Variants in DGLUCY observed in about 807,000 individuals in gnomAD.
The protein encoded by DGLUCY is D-glutamate cyclase, mitochondrial.
Under a neutral mutation model 58.5 loss-of-function variants are expected in DGLUCY, and 58 were observed. The ratio of observed to expected loss-of-function variants is 0.99; its 90% CI spans 0.80 to 1.23. The LOEUF (loss-of-function observed/expected upper bound fraction) is 1.23, where lower values mean the gene tolerates loss of function less well. Ranked by LOEUF, DGLUCY falls within the 50% of genes most tolerant of loss-of-function variation. DGLUCY has a pLI of 0.00. For synonymous variants in DGLUCY, 325 were observed against 314.1 expected (o/e 1.03, Z -0.37); for missense variants, 779 against 784.7 (o/e 0.99, Z 0.09).
At chr14:91,124,385 G>T (rs2140158221) in intron 1 of DGLUCY, among the ~76,000 whole-genome samples, 1 of 152,294 alleles carries the variant, frequency 6.6e-6, no homozygotes, top group South Asian at 2.1e-4. Context: ...TTGTATTACT[G>T]CATTTGGTCT....
rs1404165503 is a variant in DGLUCY, at chr14:91,071,822, C to A, written c.-82+11118C>A. On this transcript the variant is annotated intron_variant, in intron 1 of 4. Coordinates refer to the DGLUCY transcript ENST00000521334. ...GGCAGAGGTTGCAGTCAGCCAAGATCGCGCCACTGCACTCCAGCCTGGTAA... is the reference window on the plus strand; with the variant it reads ...GGCAGAGGTTGCAGTCAGCCAAGATAGCGCCACTGCACTCCAGCCTGGTAA... 9.3e-5 allele frequency among the ~76,000 whole-genome samples: 14 copies of A among 150,402 alleles called. 1 individual carries two copies. Among genetic ancestry groups the A allele is most frequent in the Admixed American group, 8.6e-4 (13 of 15,042 alleles).
intron 12 of DGLUCY, among the ~76,000 whole-genome samples, chr14:91,210,760 C>T (rs182078572): frequency 9.2e-5 from 14 of 152,102 alleles, no homozygotes; most frequent in Admixed American, 6.5e-4. Context: ...CAGCTAACAT[C>T]GTAATTAATG....
At chr14:91,132,478 C>CTT (rs111238992) in intron 1 of DGLUCY, among the ~76,000 whole-genome samples, 5 of 142,554 alleles carry the variant, frequency 3.5e-5, no homozygotes, top group East Asian at 2.0e-4. Flanking sequence ...ATAACTTTTT[C>CTT]TTTTTTTTTT....
At chr14:91,209,211 C>T (rs1039254522) in intron 12 of DGLUCY, among the ~76,000 whole-genome samples, 3 of 151,856 alleles carry the variant, frequency 2.0e-5, no homozygotes, top group Admixed American at 6.6e-5. Flanking sequence ...TGCAGTAAGC[C>T]GAGATAATGC....
intron 1 of DGLUCY, among the ~76,000 whole-genome samples, chr14:91,082,870 C>T (rs1015870529): frequency 2.0e-5 from 3 of 152,162 alleles, no homozygotes; most frequent in African/African-American, 7.2e-5. Flanking sequence ...CCTCCTGCCT[C>T]AGCCTCCTGA....
At chr14:91,155,610 GA>G (rs2047573254) in intron 1 of DGLUCY, among the ~76,000 whole-genome samples, 1 of 152,032 alleles carries the variant, frequency 6.6e-6, no homozygotes, top group South Asian at 2.1e-4. Flanking sequence ...AGGAGTTTAA[GA>G]CCAGCCCCGT....
chr14:91,190,351 A>G (rs1295755689), intron 9 of DGLUCY, among the ~76,000 whole-genome samples: 1 of 152,160 alleles, frequency 6.6e-6, no homozygotes, highest in African/African-American at 2.4e-5. Flanking sequence ...CACGGAGAGT[A>G]TCTTCCAGTG....
At chr14:91,203,962 C>T (rs1243192637) in intron 11 of DGLUCY, among the ~76,000 whole-genome samples, 1 of 152,208 alleles carries the variant, frequency 6.6e-6, no homozygotes, top group African/African-American at 2.4e-5. Context: ...CAGGCATGAG[C>T]CACTGCACCC....
chr14:91,075,686 G>A (rs763447633), intron 1 of DGLUCY, among the ~76,000 whole-genome samples: 30 of 152,170 alleles, frequency 2.0e-4, no homozygotes, highest in Admixed American at 3.9e-4. Context: ...GACCAAATGC[G>A]TCTTATAATA....
intron 4 of DGLUCY, chr14:91,167,676 G>A (rs149545719): frequency 8.1e-5 from 57 of 703,718 alleles, no homozygotes; most frequent in African/African-American, 5.9e-4. Context: ...CCAGAAACCC[G>A]CCTGTACAGG....
At chr14:91,190,137 G>A (rs143272355) in intron 9 of DGLUCY, among the ~76,000 whole-genome samples, 5,505 of 151,450 alleles carry the variant, frequency 0.036, 356 homozygotes, top group African/African-American at 0.13. Flanking sequence ...ACAGGCGCCC[G>A]CTACCACGCC....
upstream of DGLUCY, among the ~76,000 whole-genome samples, chr14:91,110,131 G>T (rs2044668249): frequency 6.6e-6 from 1 of 152,146 alleles, no homozygotes; most frequent in Non-Finnish European, 1.5e-5. Context: ...TTTGACACAA[G>T]CAATTGCTTC....
chr14:91,130,108 A>G (rs969037624), intron 1 of DGLUCY, among the ~76,000 whole-genome samples: 18 of 152,300 alleles, frequency 1.2e-4, no homozygotes, highest in African/African-American at 3.6e-4. Context: ...CTTCCACTCT[A>G]TGGGATAATG....
chr14:91,190,330 A>G (rs1430319959), intron 9 of DGLUCY, among the ~76,000 whole-genome samples: 2 of 152,200 alleles, frequency 1.3e-5, no homozygotes, highest in Non-Finnish European at 2.9e-5. Flanking sequence ...AACTGACAAC[A>G]GTCCTGCCCC....
chr14:91,202,804 G>A (rs1476857539), intron 11 of DGLUCY, among the ~76,000 whole-genome samples: 2 of 152,202 alleles, frequency 1.3e-5, no homozygotes, highest in African/African-American at 2.4e-5. Flanking sequence ...GGAGCTGGCC[G>A]TTCATGGCTT....
At chr14:91,069,710 C>G (rs1219219118) in intron 1 of DGLUCY, among the ~76,000 whole-genome samples, 1 of 152,050 alleles carries the variant, frequency 6.6e-6, no homozygotes, top group Non-Finnish European at 1.5e-5. Flanking sequence ...ATCCTCCCAC[C>G]TCAGCCTTCC....
chr14:91,128,166 T>C (rs1163189598), intron 1 of DGLUCY, among the ~76,000 whole-genome samples: 2 of 151,906 alleles, frequency 1.3e-5, no homozygotes, highest in African/African-American at 4.8e-5. Context: ...GGACACTTGA[T>C]TGCAATTGAT....
At chr14:91,115,778 G>T (rs114270476) in intron 1 of DGLUCY, among the ~76,000 whole-genome samples, 31 of 152,198 alleles carry the variant, frequency 2.0e-4, no homozygotes, top group African/African-American at 7.0e-4. Context: ...CCAACTGGTG[G>T]CCCCTGACAT....
intron 9 of DGLUCY, among the ~76,000 whole-genome samples, chr14:91,190,668 A>AAG (rs1456442778): frequency 6.6e-6 from 1 of 151,888 alleles, no homozygotes; most frequent in Non-Finnish European, 1.5e-5. Context: ...CAGTGGGTTT[A>AAG]AGAGAGGATG....
Sources: allele counts gnomAD v4.1 joint callset (sites outside exome capture counted in the v4.1 genomes callset), GRCh38; gene constraint gnomAD v4.1.1; transcripts MANE v1.5; gene names NCBI Gene and HGNC (gene_info 2026-07-23, HGNC 2026-07-21).